Variants in PARP4 observed in about 807,000 individuals in gnomAD.
PARP4 encodes the protein poly(ADP-ribose) polymerase family member 4.
In PARP4, 120 loss-of-function variants were observed where a neutral mutation model predicts 187.7. The ratio of observed to expected loss-of-function variants is 0.64; its 90% CI spans 0.55 to 0.74. The LOEUF (loss-of-function observed/expected upper bound fraction) is 0.74, where lower values mean the gene tolerates loss of function less well. Among genes scored for constraint, PARP4 ranks in the 30% least tolerant of loss-of-function variants. The probability of loss-of-function intolerance (pLI) is 0.00; values close to 1 mark genes in which losing one functional copy is unlikely to be tolerated. For missense variants in PARP4, 1,836 were observed against 2,070.5 expected (o/e 0.89, Z 2.20); for synonymous variants, 654 against 740.9 (o/e 0.88, Z 1.90).
intron 8 of PARP4, among the ~76,000 whole-genome samples, chr13:24,493,221 C>T (rs1409177022): frequency 3.9e-5 from 6 of 152,132 alleles, no homozygotes; most frequent in Non-Finnish European, 7.3e-5. Flanking sequence ...ACAGAAGGTG[C>T]AAGACTGTGG....
intron 28 of PARP4, 127 bp downstream of exon 28, chr13:24,443,523 T>C (rs1489926725): frequency 8.9e-6 from 6 of 671,648 alleles, no homozygotes; most frequent in South Asian, 3.5e-5. Flanking sequence ...ACAGATACAG[T>C]GATGAATGCC....
intron 17 of PARP4, among the ~76,000 whole-genome samples, chr13:24,460,823 G>A (rs1872184067): frequency 1.3e-5 from 2 of 152,176 alleles, no homozygotes; most frequent in East Asian, 1.9e-4. Flanking sequence ...CTACAGGCAC[G>A]CACCACCATG....
At chr13:24,438,496 A>G (rs1056312632) in intron 30 of PARP4, among the ~76,000 whole-genome samples, 5 of 152,280 alleles carry the variant, frequency 3.3e-5, no homozygotes, top group South Asian at 2.1e-4. Context: ...ATTTCTTGCT[A>G]AGAGTTATAG....
chr13:24,503,988 A>C (rs1869460683), intron 1 of PARP4, among the ~76,000 whole-genome samples: 1 of 152,204 alleles, frequency 6.6e-6, no homozygotes, highest in Non-Finnish European at 1.5e-5. Flanking sequence ...TTTATGGTTG[A>C]TATTACACCA....
chr13:24,424,494 G>A (rs1011878150), intron 33 of PARP4, among the ~76,000 whole-genome samples: 5 of 151,874 alleles, frequency 3.3e-5, no homozygotes, highest in African/African-American at 1.2e-4. Flanking sequence ...GAAATCAAGG[G>A]GTTTTGTTTA....
At chr13:24,456,547 C>T in intron 20 of PARP4, 69 bp from the exon 21 acceptor site, 10 of 1,443,104 alleles carry the variant, frequency 6.9e-6, no homozygotes, top group Non-Finnish European at 9.4e-6. Context: ...CTGCACTTAC[C>T]TGTCATGGAG....
At chr13:24,504,564 C>T (rs1014652629) in intron 1 of PARP4, among the ~76,000 whole-genome samples, 17 of 152,160 alleles carry the variant, frequency 1.1e-4, no homozygotes, top group African/African-American at 3.9e-4. Flanking sequence ...GCTGTGATTA[C>T]AGGTGTGAGC....
At chr13:24,454,083 C>T (rs888977369) in intron 22 of PARP4, among the ~76,000 whole-genome samples, 3 of 147,116 alleles carry the variant, frequency 2.0e-5, no homozygotes, top group South Asian at 2.1e-4. Flanking sequence ...GGCAACAAAG[C>T]GAGACTCTGT....
rs1473204808 is a variant in PARP4 at position 24,459,309 on chromosome 13, T to C, written c.2300A>G (p.Asp767Gly). Reference protein sequence around the residue: ...QDKALNENLQDTVEKICIKEI... With the variant: ...QDKALNENLQGTVEKICIKEI... ...TTTTATACAAATCTTCTCTACTGTA[T>C]CCTGTTAAAAGAAAAATACATTTGT... Residue 767 changes from aspartate to glycine, a missense_variant and splice_region_variant, in exon 19 of 34, where the codon GAT (aspartate) becomes GGT (glycine). Transcript: ENST00000381989. 5.8e-6 allele frequency: 9 copies of C among 1,553,532 alleles called. No individual in the cohort carries two copies. Among genetic ancestry groups the C allele is most frequent in the African/African-American group, 1.4e-5 (1 of 72,522 alleles).
chr13:24,441,355 T>TAA (rs1420449194), intron 30 of PARP4, among the ~76,000 whole-genome samples: 3 of 126,430 alleles, frequency 2.4e-5, no homozygotes, highest in Non-Finnish European at 5.1e-5. Flanking sequence ...CCTAGAGACC[T>TAA]AAGAGGGTTG....
Position 24,435,428 on chromosome 13 carries a change from C to T in PARP4, c.3713G>A (p.Arg1238Gln), listed in dbSNP as rs766631344. Residue 1238 changes from arginine to glutamine, a missense_variant, in exon 31 of 34, where the codon CGA becomes CAA. Coordinates refer to ENST00000381989, the MANE Select transcript of PARP4 (RefSeq NM_006437.4). Reference protein sequence around the residue: ...SEWPELRLSKRKHRKIPFSKR... With the variant: ...SEWPELRLSKQKHRKIPFSKR... ...GGAAAATGGAATTTTCCTATGTTTT[C>T]GTTTGGATAAACGTAATTCTGGCCA... 7.3e-5 allele frequency: 118 copies of T among 1,610,022 alleles called. No individual in the cohort carries two copies. The highest frequency in any genetic ancestry group is 9.1e-5 in the Non-Finnish European group (107 of 1,179,310).
Position 24,501,818 on chromosome 13 carries a change from A to G in PARP4, c.149T>C (p.Leu50Ser), listed in dbSNP as rs754168535. ...CTGACTCAGAACATCAGCATTATCTAAGATTATATGTGTGCACTAAGGAAA... is the reference window on the plus strand; with the variant it reads ...CTGACTCAGAACATCAGCATTATCTGAGATTATATGTGTGCACTAAGGAAA... ...SLNPQCTHII[L>S]DNADVLSQYQ... The change falls in exon 3 of 34, where the codon TTA becomes TCA. Residue 50 changes from leucine to serine, a missense_variant. Physicochemically the swap from Leu to Ser is moderately radical, Grantham distance 145. Transcript: ENST00000381989. 6.2e-7 allele frequency: 1 copy of G among 1,608,732 alleles called. No homozygotes were observed. The highest frequency in any genetic ancestry group is 8.5e-7 in the Non-Finnish European group (1 of 1,175,180).
Position 24,435,242 on chromosome 13 carries a change from G to C in PARP4, c.3899C>G (p.Pro1300Arg). The change falls in exon 31 of 34, where the codon CCA becomes CGA. Residue 1300 changes from proline to arginine, a missense_variant. Pro to Arg is a moderately radical substitution (Grantham distance 103). Around this residue, in one of 8 missense-constraint regions of PARP4, gnomAD observed 450 missense variants for 439.2 expected, o/e 1.02. Transcript: ENST00000381989. ...TESCKPTATE[P>R]LFKKVSPWET... is the part of the protein sequence containing the mutation. ...CCATGGACTGACTTTCTTAAATAGT[G>C]GTTCAGTTGCTGTTGGTTTACATGA... is the stretch of plus-strand genomic sequence containing the variant. 1 of 1,613,978 alleles carries C rather than the reference G, an allele frequency of 6.2e-7. No homozygotes were observed. The highest frequency in any genetic ancestry group is 1.7e-4 in the Middle Eastern group (1 of 5,960).
intron 10 of PARP4, among the ~76,000 whole-genome samples, chr13:24,489,067 T>C (rs189079589): frequency 6.6e-6 from 1 of 152,336 alleles, no homozygotes; most frequent in Non-Finnish European, 1.5e-5. Flanking sequence ...ATTTGGGTTA[T>C]TTAACCACCT....
intron 33 of PARP4, among the ~76,000 whole-genome samples, chr13:24,423,654 A>T (rs2137426592): frequency 6.6e-6 from 1 of 152,314 alleles, no homozygotes; most frequent in East Asian, 1.9e-4. Flanking sequence ...AAAAAATGGA[A>T]GTATAAATTA....
intron 12 of PARP4, among the ~76,000 whole-genome samples, chr13:24,480,701 C>T (rs1873229255): frequency 1.3e-5 from 2 of 152,212 alleles, no homozygotes; most frequent in South Asian, 4.1e-4. Flanking sequence ...AAGGCCCCAA[C>T]TCTGTTCAAT....
Position 24,498,200 on chromosome 13 carries a change from C to CACA in PARP4, c.504_506dup (p.Val171dup). The CACA allele has an allele frequency of 6.2e-7, 1 of 1,613,302 alleles. No individual in the cohort carries two copies. The highest frequency in any genetic ancestry group is 8.5e-7 in the Non-Finnish European group (1 of 1,179,848). ...CCCGCGAACACTGAAGCTCCACCAC[C>CACA]ACAGCTTCCTGGCCTCCCTCCATTC... is the stretch of plus-strand genomic sequence containing the variant. On this transcript the variant is annotated inframe_insertion, in exon 6 of 34. Transcript: ENST00000381989.
intron 31 of PARP4, among the ~76,000 whole-genome samples, chr13:24,433,129 G>A (rs540710017): frequency 6.6e-6 from 1 of 152,228 alleles, no homozygotes; most frequent in African/African-American, 2.4e-5. Context: ...AGACTTGCTG[G>A]CTCCTTGCTT....
chr13:24,503,894 A>G (rs1869454764), intron 1 of PARP4, 117 bp from the exon 2 acceptor site: 8 of 816,160 alleles, frequency 9.8e-6, no homozygotes, highest in Non-Finnish European at 1.6e-5. Context: ...AGATATTGCA[A>G]TCATGTTATC....
Sources: allele counts gnomAD v4.1 joint callset (sites outside exome capture counted in the v4.1 genomes callset), GRCh38; gene constraint gnomAD v4.1.1; regional missense constraint gnomAD v4.1.1; transcripts MANE v1.5; gene names NCBI Gene and HGNC (gene_info 2026-07-23, HGNC 2026-07-21).